The following MDGA2 variants were observed in gnomAD, a reference collection of about 807,000 sequenced individuals.
The protein encoded by MDGA2 is MAM domain containing glycosylphosphatidylinositol anchor 2.
In MDGA2, 40 loss-of-function variants were observed where a neutral mutation model predicts 117.8. That is an observed-to-expected ratio of 0.34 (90% CI 0.26 to 0.44). The LOEUF is 0.44. Among genes scored for constraint, MDGA2 ranks in the 20% least tolerant of loss-of-function variants. The pLI, the probability that MDGA2 is intolerant of heterozygous loss-of-function variation, is 1.00. For missense variants in MDGA2, 1,123 were observed against 1,250.6 expected (o/e 0.90, Z 1.54); for synonymous variants, 452 against 439.0 (o/e 1.03, Z -0.37).
At chr14:47,267,507 CTG>C (rs1273806528) in intron 2 of MDGA2, among the ~76,000 whole-genome samples, 29 of 151,868 alleles carry the variant, frequency 1.9e-4, no homozygotes, top group Admixed American at 1.8e-3. Flanking sequence ...GTCACTGTGA[CTG>C]TTGATTCCTA....
intron 7 of MDGA2, among the ~76,000 whole-genome samples, chr14:47,038,602 T>G (rs955779861): frequency 6.6e-6 from 1 of 151,992 alleles, no homozygotes; most frequent in Non-Finnish European, 1.5e-5. Context: ...TAGCCCAGGT[T>G]TTACAAAATA....
At chr14:47,590,207 T>C (rs1426891671) in intron 1 of MDGA2, among the ~76,000 whole-genome samples, 2 of 151,940 alleles carry the variant, frequency 1.3e-5, no homozygotes, top group African/African-American at 4.8e-5. Context: ...TTAACTGCTC[T>C]AGCCACACCC....
At chr14:47,163,476 C>G (rs1466128366) in intron 3 of MDGA2, among the ~76,000 whole-genome samples, 2 of 151,922 alleles carry the variant, frequency 1.3e-5, no homozygotes, top group African/African-American at 4.8e-5. Context: ...TTGTGAGATC[C>G]GGTGGTTTTA....
intron 1 of MDGA2, among the ~76,000 whole-genome samples, chr14:47,646,249 A>G (rs918507823): frequency 6.6e-6 from 1 of 152,188 alleles, no homozygotes. Flanking sequence ...AGATTACCAA[A>G]CTAGTTTCTT....
intron 4 of MDGA2, among the ~76,000 whole-genome samples, chr14:47,135,031 G>C (rs757462199): frequency 5.3e-5 from 8 of 151,854 alleles, no homozygotes; most frequent in Non-Finnish European, 1.2e-4. Context: ...GTTTCAATTT[G>C]CATTTTCTGA....
At chr14:47,362,797 T>C (rs911750754) in intron 1 of MDGA2, among the ~76,000 whole-genome samples, 2 of 152,190 alleles carry the variant, frequency 1.3e-5, no homozygotes, top group Admixed American at 6.5e-5. Flanking sequence ...TGACAATAGG[T>C]ATTATTTTAT....
intron 1 of MDGA2, among the ~76,000 whole-genome samples, chr14:47,549,343 ATCTCTCTCTCTC>A (rs3039661): frequency 4.3e-5 from 6 of 140,112 alleles, no homozygotes; most frequent in South Asian, 2.3e-4. Flanking sequence ...CACCAGTATT[ATCTCTCTCTCTC>A]TCTCTCTCTC....
chr14:47,493,200 C>T (rs1189127191), intron 1 of MDGA2, among the ~76,000 whole-genome samples: 2 of 151,184 alleles, frequency 1.3e-5, no homozygotes, highest in South Asian at 2.1e-4. Context: ...TCCAGTTATT[C>T]CCCATCTCTG....
chr14:47,443,502 T>G (rs549937124), intron 1 of MDGA2, among the ~76,000 whole-genome samples: 52 of 152,282 alleles, frequency 3.4e-4, no homozygotes, highest in South Asian at 8.3e-4. Flanking sequence ...TTAAAAGAAT[T>G]AGACTTTTCT....
intron 3 of MDGA2, among the ~76,000 whole-genome samples, chr14:47,194,191 T>C (rs1266910841): frequency 2.0e-5 from 3 of 152,188 alleles, no homozygotes; most frequent in Non-Finnish European, 2.9e-5. Context: ...TCTTAAATAC[T>C]TTGAGAGACA....
chr14:47,356,164 A>AG (rs1890989182), intron 1 of MDGA2, among the ~76,000 whole-genome samples: 1 of 152,192 alleles, frequency 6.6e-6, no homozygotes, highest in African/African-American at 2.4e-5. Flanking sequence ...GAGCCCCTAG[A>AG]GGACCCCTCC....
chr14:47,059,523 A>G (rs1358484446), intron 7 of MDGA2: 2 of 358,650 alleles, frequency 5.6e-6, no homozygotes, highest in Admixed American at 3.9e-5. Context: ...TTTGTCATAT[A>G]TAACACATAG....
intron 6 of MDGA2, among the ~76,000 whole-genome samples, chr14:47,073,112 AC>A (rs1350496241): frequency 6.6e-6 from 1 of 152,210 alleles, no homozygotes; most frequent in Non-Finnish European, 1.5e-5. Flanking sequence ...AATATTAAGC[AC>A]CTTAAAGTCA....
At chr14:47,293,349 C>T (rs957603447) in intron 2 of MDGA2, among the ~76,000 whole-genome samples, 1 of 152,156 alleles carries the variant, frequency 6.6e-6, no homozygotes, top group Non-Finnish European at 1.5e-5. Flanking sequence ...TATTCTTACT[C>T]ATAATTAACC....
chr14:46,943,512 G>A (rs538531311), intron 9 of MDGA2, among the ~76,000 whole-genome samples: 1 of 151,920 alleles, frequency 6.6e-6, no homozygotes, highest in South Asian at 2.1e-4. Context: ...AACTTTTGAA[G>A]GATTTTTATA....
intron 1 of MDGA2, among the ~76,000 whole-genome samples, chr14:47,338,610 G>T (rs1053484374): frequency 6.6e-6 from 1 of 152,032 alleles, no homozygotes; most frequent in African/African-American, 2.4e-5. Context: ...GTGAAGAGTG[G>T]TAGCCATTTT....
At chr14:47,247,739 C>T (rs1486860964) in intron 2 of MDGA2, among the ~76,000 whole-genome samples, 1 of 150,738 alleles carries the variant, frequency 6.6e-6, no homozygotes, top group African/African-American at 2.4e-5. Flanking sequence ...GTTTGCTGTA[C>T]CCATCAACTC....
intron 2 of MDGA2, among the ~76,000 whole-genome samples, chr14:47,222,228 G>A (rs1289212504): frequency 6.6e-6 from 1 of 151,960 alleles, no homozygotes; most frequent in Non-Finnish European, 1.5e-5. Flanking sequence ...GGAAAAGAAG[G>A]CATGGATAAA....
intron 1 of MDGA2, among the ~76,000 whole-genome samples, chr14:47,595,566 A>C (rs1289966980): frequency 6.8e-6 from 1 of 147,888 alleles, no homozygotes; most frequent in Non-Finnish European, 1.5e-5. Context: ...ACAAAAAAAA[A>C]AAAAACCCAG....
Sources: gnomAD v4.1 joint callset for allele counts (sites outside exome capture counted in the v4.1 genomes callset) on GRCh38, gnomAD v4.1.1 for gene constraint, MANE v1.5 for transcripts, NCBI Gene and HGNC (gene_info 2026-07-23, HGNC 2026-07-21) for gene names.